Variants in GLRX observed in about 807,000 individuals in gnomAD.
GLRX encodes the protein glutaredoxin, also known as glutaredoxin-1.
GLRX carries 9 observed loss-of-function variants against 11.1 expected under a neutral mutation model. That is an observed-to-expected ratio of 0.81 (90% CI 0.49 to 1.42). The LOEUF is 1.42. Ranked by LOEUF, GLRX falls within the 40% of genes most tolerant of loss-of-function variation. GLRX has a pLI of 0.00. For synonymous variants in GLRX, 49 were observed against 49.5 expected, an observed-to-expected ratio of 0.99 and a Z score of 0.04; for missense variants, 102 against 126.2, an observed-to-expected ratio of 0.81 and a Z score of 0.92.
At chr5:95,822,296 G>C in intron 1 of GLRX, 160 bp downstream of exon 1, 1 of 624,356 alleles carries the variant, frequency 1.6e-6, no homozygotes, top group Non-Finnish European at 2.8e-6. Flanking sequence ...TCAAGTGACC[G>C]AGATCCTCTC....
rs1746903547 is a variant in GLRX at position 95,814,313 on chromosome 5, C to T, written c.*83G>A. Reference sequence around the variant, plus strand: ...CCTCTGATCCATATGACACCAAGACCAACTATGCTTTTCATATGATTTCTC... The same window carrying T: ...CCTCTGATCCATATGACACCAAGACTAACTATGCTTTTCATATGATTTCTC... On this transcript the variant is annotated 3_prime_UTR_variant, in exon 3 of 3. Transcript: ENST00000237858. The T allele has an allele frequency of 6.6e-6, 1 of 152,608 alleles. No homozygotes were observed. Among genetic ancestry groups the T allele is most frequent in the African/African-American group, 2.4e-5 (1 of 41,430 alleles). 9.5% of individuals were successfully genotyped at this position (152,608 alleles called of 1,614,324 possible).
chr5:95,820,367 A>AAAC (rs1747184275), intron 1 of GLRX, among the ~76,000 whole-genome samples: 1 of 150,704 alleles, frequency 6.6e-6, no homozygotes, highest in Admixed American at 6.6e-5. Flanking sequence ...AAAAAAAAAA[A>AAAC]AAAAAAAACC....
intron 1 of GLRX, among the ~76,000 whole-genome samples, chr5:95,821,007 T>G (rs2112870568): frequency 6.6e-6 from 1 of 151,724 alleles, no homozygotes; most frequent in Non-Finnish European, 1.5e-5. Context: ...TCCCAGCTAC[T>G]TGGGAGGTTG....
rs765308231 is a variant in GLRX at position 95,822,654 on chromosome 5, T to G, written c.9A>C (p.Gln3His). ...GCTGGATTTTGCAGTTCACAAACTC[T>G]TGAGCCATGCCGATGGGCTGCGGTC... MA[Q>H]EFVNCKIQPG... The change falls in exon 1 of 3, where the codon CAA (glutamine) becomes CAC (histidine). Residue 3 changes from glutamine to histidine, a missense_variant. Coordinates refer to ENST00000237858, the MANE Select transcript of GLRX (RefSeq NM_001118890.2). 1.2e-6 allele frequency: 2 copies of G among 1,613,812 alleles called. No homozygotes were observed. Among genetic ancestry groups the G allele is most frequent in the East Asian group, 4.5e-5 (2 of 44,886 alleles).
intron 1 of GLRX, 155 bp from the exon 2 acceptor site, chr5:95,816,781 A>G (rs1226262982): frequency 1.1e-5 from 6 of 568,872 alleles, no homozygotes; most frequent in Non-Finnish European, 1.9e-5. Context: ...CCTTTCTGTT[A>G]TAAGGGGTAA....
intron 1 of GLRX, among the ~76,000 whole-genome samples, chr5:95,821,556 T>C (rs1747238488): frequency 6.6e-6 from 1 of 152,210 alleles, no homozygotes; most frequent in Non-Finnish European, 1.5e-5. Context: ...GATATGTGCT[T>C]GGCCTAACAC....
intron 2 of GLRX, chr5:95,814,594 A>C (rs1338928431): frequency 6.6e-6 from 1 of 152,592 alleles, no homozygotes; most frequent in Non-Finnish European, 1.5e-5. Context: ...CTGTGGATTC[A>C]TCATTGTGGA....
At chr5:95,820,352 T>TAAAAA (rs58201790) in intron 1 of GLRX, among the ~76,000 whole-genome samples, 7 of 79,606 alleles carry the variant, frequency 8.8e-5, no homozygotes, top group African/African-American at 3.0e-4. Flanking sequence ...CTCTGTCTCT[T>TAAAAA]AAAAAAAAAA....
intron 1 of GLRX, chr5:95,818,802 A>G (rs751649342): frequency 6.6e-6 from 1 of 152,348 alleles, no homozygotes; most frequent in East Asian, 1.9e-4. Flanking sequence ...CACACCGAGT[A>G]CCAGTCACAG....
intron 1 of GLRX, 134 bp downstream of exon 1, chr5:95,822,322 C>T (rs996992624): frequency 1.0e-5 from 7 of 673,912 alleles, no homozygotes; most frequent in Non-Finnish European, 1.3e-5. Context: ...CGCCCTCCCC[C>T]ACACCCCCCG....
At chr5:95,814,413 A>G (rs949498226) in intron 2 of GLRX, 24 bp from the exon 3 acceptor site, 1 of 152,720 alleles carries the variant, frequency 6.5e-6, no homozygotes, top group Non-Finnish European at 1.5e-5. Flanking sequence ...GGTGGAGAAC[A>G]CTGGTTCAGA....
intron 1 of GLRX, 65 bp from the exon 2 acceptor site, chr5:95,816,691 C>A: frequency 3.5e-6 from 3 of 848,780 alleles, no homozygotes. Context: ...TTCTATCCTA[C>A]CACTAAATAT....
intron 1 of GLRX, among the ~76,000 whole-genome samples, chr5:95,819,904 A>AAAC (rs1747156333): frequency 6.7e-6 from 1 of 148,336 alleles, no homozygotes; most frequent in Non-Finnish European, 1.5e-5. Context: ...TCTCAAAAAA[A>AAAC]AAAAAAAAAA....
intron 1 of GLRX, chr5:95,818,525 G>A (rs140781688): frequency 2.6e-5 from 4 of 152,262 alleles, no homozygotes; most frequent in African/African-American, 7.2e-5. Context: ...CCCAGCCTCA[G>A]CCAGGCAACA....
chr5:95,817,322 G>A (rs1747037698), intron 1 of GLRX: 1 of 152,672 alleles, frequency 6.5e-6, no homozygotes, highest in African/African-American at 2.4e-5. Context: ...GGCTGAAGTG[G>A]AAGGATTGCT....
rs771538575 is a variant in GLRX, at chr5:95,822,456, C to T, written c.207G>A (p.Thr69=). 1.7e-5 allele frequency: 28 copies of T among 1,610,720 alleles called. No individual in the cohort carries two copies. The South Asian group carries it at 2.0e-4, about 11-fold the overall frequency. ...DYLQQLTGAR[T]VPRVFIGKDC... The stretch of plus-strand genomic sequence containing the variant: ...CCTAGCCGTTTAAAATGAAACTCAC[C>T]GTTCTTGCTCCCGTGAGCTGTTGCA... The change falls in exon 1 of 3, where the codon ACG becomes ACA. Residue 69 remains threonine (T), a splice_region_variant and synonymous_variant. Transcript: ENST00000237858.
intron 1 of GLRX, chr5:95,818,829 T>A (rs950937072): frequency 2.6e-5 from 4 of 152,426 alleles, no homozygotes; most frequent in African/African-American, 7.2e-5. Context: ...CAAGCTCCTA[T>A]TAGCTCTCAG....
At position 95,822,652 on chromosome 5, in the gene GLRX, T is replaced by C; in HGVS notation, c.11A>G (p.Glu4Gly). MAQEFVNCKIQPGK... is the reference protein window; with the variant it reads MAQGFVNCKIQPGK... ...AGGCTGGATTTTGCAGTTCACAAAC[T>C]CTTGAGCCATGCCGATGGGCTGCGG... Residue 4 changes from glutamate (E) to glycine (G), a missense_variant, in exon 1 of 3, where the codon GAG (glutamate) becomes GGG (glycine). Transcript: ENST00000237858. 3.7e-6 allele frequency: 6 copies of C among 1,613,784 alleles called. No homozygotes were observed. Among genetic ancestry groups the C allele is most frequent in the Non-Finnish European group, 4.2e-6 (5 of 1,179,746 alleles).
chr5:95,822,457 G>T lies in GLRX; in HGVS notation c.206C>A (p.Thr69Lys). 1.2e-6 allele frequency: 2 copies of T among 1,611,680 alleles called. No individual in the cohort carries two copies. Among genetic ancestry groups the T allele is most frequent in the South Asian group, 2.2e-5 (2 of 91,038 alleles). Reference protein sequence around the residue: ...DYLQQLTGARTVPRVFIGKDC... With the variant: ...DYLQQLTGARKVPRVFIGKDC... ...CTAGCCGTTTAAAATGAAACTCACC[G>T]TTCTTGCTCCCGTGAGCTGTTGCAA... Residue 69 changes from threonine to lysine, a missense_variant and splice_region_variant, in exon 1 of 3, where the codon ACG becomes AAG. Transcript: ENST00000237858.
Sources: allele counts gnomAD v4.1 joint callset (sites outside exome capture counted in the v4.1 genomes callset), GRCh38; gene constraint gnomAD v4.1.1; transcripts MANE v1.5; gene names NCBI Gene and HGNC (gene_info 2026-07-23, HGNC 2026-07-21).